LFNG: variants seen among roughly 807,000 people sequenced by gnomAD.
The protein encoded by LFNG is LFNG O-fucosylpeptide 3-beta-N-acetylglucosaminyltransferase.
A neutral mutation model predicts 32.7 loss-of-function variants in LFNG; 15 were observed. That is an observed-to-expected ratio of 0.46 (90% CI 0.31 to 0.71). The LOEUF is 0.71. Among genes scored for constraint, LFNG ranks in the 30% least tolerant of loss-of-function variants. The pLI is 0.06. For missense variants in LFNG, 520 were observed against 545.7 expected (o/e 0.95, Z 0.47); for synonymous variants, 274 against 246.8 (o/e 1.11, Z -1.03).
chr7:2,528,829 C>T, downstream of LFNG: 1 of 624,126 alleles, frequency 1.6e-6, no homozygotes, highest in Admixed American at 2.8e-5. Context: ...CAACTTCACT[C>T]CTGCCACGAG....
chr7:2,515,019 TATCCATCCATCC>T (rs148072518), upstream of LFNG, among the ~76,000 whole-genome samples: 1 of 126,148 alleles, frequency 7.9e-6, no homozygotes. Context: ...TTCATCTGTC[TATCCATCCATCC>T]ATCCATCCAT....
In LFNG at chr7:2,526,710, G is replaced by C. The variant is rs1160998896; in HGVS notation, c.988-126G>C. On this transcript the variant is annotated intron_variant, in intron 6 of 7. Transcript: ENST00000222725. This position sits in a 1 kb window ranked among gnomAD's most constrained non-coding sequence, Gnocchi z 6.9. ...CTTATTCCTGGGGTGTGCAGGGCAG[G>C]TGTCCTTCCAGGTCCAAGGGAGGCC... 6.8e-6 allele frequency: 6 copies of C among 882,238 alleles called. No individual in the cohort carries two copies. Among genetic ancestry groups the C allele is most frequent in the Admixed American group, 2.0e-5 (1 of 49,420 alleles). 54.7% of individuals were successfully genotyped at this position (882,238 alleles called of 1,614,324 possible).
rs778614330 is a variant in LFNG at position 2,526,489 on chromosome 7, T to C, written c.987+80T>C. On this transcript the variant is annotated intron_variant, in intron 6 of 7. Coordinates refer to ENST00000222725, the MANE Select transcript of LFNG (RefSeq NM_001040167.2). This position sits in a 1 kb window ranked among gnomAD's most constrained non-coding sequence, Gnocchi z 6.9. ...GGCTGCCGAGAGGGGCGCAGTGGGG[T>C]GGGGCACTGTTCTAAACAGGGAGGC... The C allele has an allele frequency of 1.0e-5, 15 of 1,496,078 alleles. No individual in the cohort carries two copies. Among genetic ancestry groups the C allele is most frequent in the Non-Finnish European group, 1.3e-5 (14 of 1,091,936 alleles). The allele number at this position is 1,496,078 out of a possible 1,614,324, so 92.7% of individuals were successfully genotyped here. A position where few individuals can be genotyped will look rare whatever the true frequency, so the allele number is the denominator to read the frequency against.
upstream of LFNG, chr7:2,518,398 G>A (rs879271040): frequency 4.6e-6 from 3 of 656,726 alleles, no homozygotes; most frequent in East Asian, 2.8e-5. Flanking sequence ...ACCACCCAGC[G>A]GGTACAGGGG....
At chr7:2,514,968 ATCTG>A (rs1779586294), upstream of LFNG, among the ~76,000 whole-genome samples, 1 of 151,080 alleles carries the variant, frequency 6.6e-6, no homozygotes, top group African/African-American at 2.4e-5. Context: ...CCATCTATCC[ATCTG>A]TCCATCCATC....
In LFNG at chr7:2,520,220, A is replaced by G; in HGVS notation, c.359A>G (p.Lys120Arg). The G allele has an allele frequency of 6.2e-7, 1 of 1,608,582 alleles. No individual in the cohort carries two copies. The highest frequency in any genetic ancestry group is 8.5e-7 in the Non-Finnish European group (1 of 1,178,116). ...CCCCGAGACGTCTTCATCGCTGTCA[A>G]GACCACCAAAAAGTTCCACCGCGCG... is the stretch of plus-strand genomic sequence containing the variant. ...LAPRDVFIAVKTTKKFHRARL... is the reference protein window; with the variant it reads ...LAPRDVFIAVRTTKKFHRARL... Residue 120 changes from lysine to arginine, a missense_variant, in exon 1 of 8, where the codon AAG (lysine) becomes AGG (arginine). Lys to Arg is a conservative substitution (Grantham distance 26). Around this residue, in one of 3 missense-constraint regions of LFNG, gnomAD observed 360 missense variants for 354.7 expected, o/e 1.01. Coordinates refer to ENST00000222725, the MANE Select transcript of LFNG (RefSeq NM_001040167.2). This position sits in a 1 kb window ranked among gnomAD's most constrained non-coding sequence, Gnocchi z 5.0.
At position 2,526,414 on chromosome 7, in the gene LFNG, A is replaced by G; in HGVS notation, c.987+5A>G. 1 of 1,605,786 alleles carries G rather than the reference A, an allele frequency of 6.2e-7. No homozygotes were observed. The highest frequency in any genetic ancestry group is 8.5e-7 in the Non-Finnish European group (1 of 1,179,826). On this transcript the variant is annotated splice_donor_5th_base_variant and intron_variant, in intron 6 of 7. Transcript: ENST00000222725. This position sits in a 1 kb window ranked among gnomAD's most constrained non-coding sequence, Gnocchi z 6.9. ...ACCTCGGAGCTCCACGAGCAGGTGC[A>G]CCATCCTCCGGGCCCCGCCAGGACT...
chr7:2,525,071 C>G, intron 2 of LFNG, 148 bp from the exon 3 acceptor site: 1 of 750,580 alleles, frequency 1.3e-6, no homozygotes, highest in Middle Eastern at 3.7e-4. Context: ...GCCCAAGCCC[C>G]GAGCTAGGGT....
At chr7:2,515,068 G>C (rs1583268467), upstream of LFNG, among the ~76,000 whole-genome samples, 1 of 137,356 alleles carries the variant, frequency 7.3e-6, no homozygotes, top group Non-Finnish European at 1.6e-5. Flanking sequence ...CCATCCATCT[G>C]TCCATCCGTC....
Position 2,525,779 on chromosome 7 carries a change from C to T in LFNG, c.821+9C>T, listed in dbSNP as rs1223314866. ...ATGAGCCCGTGGGCCAGGTGAGTGC[C>T]CTGCACAGGTTAGGCCAGCCCGGTC... On this transcript the variant is annotated intron_variant, in intron 5 of 7. Transcript: ENST00000222725. The T allele has an allele frequency of 1.6e-5, 26 of 1,609,398 alleles. No homozygotes were observed. Among genetic ancestry groups the T allele is most frequent in the South Asian group, 3.3e-5 (3 of 90,952 alleles).
Position 2,526,978 on chromosome 7 carries a change from G to A in LFNG, c.1073+57G>A, listed in dbSNP as rs1780000627. 2.0e-6 allele frequency: 3 copies of A among 1,513,046 alleles called. No homozygotes were observed. The highest frequency in any genetic ancestry group is 1.7e-5 in the Admixed American group (1 of 58,330). The allele number at this position is 1,513,046 out of a possible 1,614,324, so 93.7% of individuals were successfully genotyped here. A position where few individuals can be genotyped will look rare whatever the true frequency, so the allele number is the denominator to read the frequency against. On this transcript the variant is annotated intron_variant, in intron 7 of 7. Coordinates refer to ENST00000222725, the MANE Select transcript of LFNG (RefSeq NM_001040167.2). This position sits in a 1 kb window ranked among gnomAD's most constrained non-coding sequence, Gnocchi z 6.9. The stretch of plus-strand genomic sequence containing the variant: ...TAGGGTGGCCTAGGGGCGTCAGGGG[G>A]CCTCGTGGAGCTGCAGCAGGGTCTC...
At chr7:2,521,478 G>A (rs972991117) in intron 1 of LFNG, among the ~76,000 whole-genome samples, 1 of 152,232 alleles carries the variant, frequency 6.6e-6, no homozygotes, top group Non-Finnish European at 1.5e-5. Flanking sequence ...CTTGTGTGCA[G>A]CTACGCGCTC....
At chr7:2,518,215 G>A (rs141272938), upstream of LFNG, among the ~76,000 whole-genome samples, 43 of 152,220 alleles carry the variant, frequency 2.8e-4, no homozygotes, top group Non-Finnish European at 4.9e-4. Context: ...GCTGCATGGA[G>A]GCTCCAGGGC....
chr7:2,519,563 G>C (rs963391012), upstream of LFNG, among the ~76,000 whole-genome samples: 92 of 150,676 alleles, frequency 6.1e-4, 2 homozygotes, highest in East Asian at 9.8e-4. Context: ...ACCCGGGGCG[G>C]GGGGGGTGCG....
upstream of LFNG, among the ~76,000 whole-genome samples, chr7:2,513,546 C>G (rs1391970807): frequency 1.3e-5 from 2 of 152,180 alleles, no homozygotes; most frequent in Non-Finnish European, 2.9e-5. Context: ...GCTCCCTCCA[C>G]CCGGCCTGGA....
In LFNG at chr7:2,526,853, T is replaced by C. The variant is rs752441376; in HGVS notation, c.1005T>C (p.Gly335=). The C allele has an allele frequency of 1.2e-6, 2 of 1,611,546 alleles. No individual in the cohort carries two copies. The highest frequency in any genetic ancestry group is 1.3e-5 in the African/African-American group (1 of 74,428). Reference sequence around the variant, plus strand: ...CCCCACAGGTGACGCTGAGCTACGGTATGTTTGAAAACAAGCGGAACGCCG... The same window carrying C: ...CCCCACAGGTGACGCTGAGCTACGGCATGTTTGAAAACAAGCGGAACGCCG... ...ELHEQVTLSY[G]MFENKRNAVH... Residue 335 remains glycine, a synonymous_variant, in exon 7 of 8, where the codon GGT becomes GGC. Coordinates refer to ENST00000222725, the MANE Select transcript of LFNG (RefSeq NM_001040167.2). This position sits in a 1 kb window ranked among gnomAD's most constrained non-coding sequence, Gnocchi z 6.9.
intron 4 of LFNG, 47 bp downstream of exon 4, chr7:2,525,614 A>G (rs1779945506): frequency 6.2e-7 from 1 of 1,611,630 alleles, no homozygotes; most frequent in African/African-American, 1.3e-5. Context: ...CGGAGCGCAC[A>G]CCCGGAGTGG....
At position 2,525,896 on chromosome 7, in the gene LFNG, C is replaced by T. The variant is rs532359245; in HGVS notation, c.821+126C>T. The T allele has an allele frequency of 5.0e-5, 42 of 847,778 alleles. 1 individual carries two copies. Among genetic ancestry groups the T allele is most frequent in the South Asian group, 4.7e-4 (32 of 68,682 alleles). 52.5% of individuals were successfully genotyped at this position (847,778 alleles called of 1,614,324 possible). A position where few individuals can be genotyped will look rare whatever the true frequency, so the allele number is the denominator to read the frequency against. ...CCTGTGTGGCACTGCCCACTTACTT[C>T]CTATATTCCACTTCCCTCTGGGTTT... On this transcript the variant is annotated intron_variant, in intron 5 of 7. Transcript: ENST00000222725.
Position 2,527,582 on chromosome 7 carries a change from G to T in LFNG, c.*370G>T. Reference sequence around the variant, plus strand: ...CTTTGCAGGGATGCGATGCGTAGGTGCCTTTCTCTTCCTGCTGACCACAAG... The same window carrying T: ...CTTTGCAGGGATGCGATGCGTAGGTTCCTTTCTCTTCCTGCTGACCACAAG... On this transcript the variant is annotated 3_prime_UTR_variant, in exon 8 of 8. Transcript: ENST00000222725. This position sits in a 1 kb window ranked among gnomAD's most constrained non-coding sequence, Gnocchi z 4.4. The T allele has an allele frequency of 8.3e-7, 1 of 1,208,570 alleles. No individual in the cohort carries two copies. The highest frequency in any genetic ancestry group is 3.7e-4 in the Middle Eastern group (1 of 2,698). The allele number at this position is 1,208,570 out of a possible 1,614,324, so 74.9% of individuals were successfully genotyped here. A position where few individuals can be genotyped will look rare whatever the true frequency, so the allele number is the denominator to read the frequency against.
Sources: gnomAD v4.1 joint callset for allele counts (sites outside exome capture counted in the v4.1 genomes callset) on GRCh38, gnomAD v4.1.1 for gene constraint, gnomAD v4.1.1 regional missense constraint, Gnocchi (gnomAD v3.1) non-coding constraint, MANE v1.5 for transcripts, NCBI Gene and HGNC (gene_info 2026-07-23, HGNC 2026-07-21) for gene names.